CRY1: variants seen among roughly 807,000 people sequenced by gnomAD.
CRY1 encodes the protein cryptochrome circadian regulator 1, also known as cryptochrome-1.
Under a neutral mutation model 76.0 loss-of-function variants are expected in CRY1, and 45 were observed. That is an observed-to-expected ratio of 0.59 (90% confidence interval 0.47 to 0.76). CRY1 has a LOEUF of 0.76. Among genes scored for constraint, CRY1 ranks in the 30% least tolerant of loss-of-function variants. The probability of loss-of-function intolerance (pLI) is 0.00; values close to 1 mark genes in which losing one functional copy is unlikely to be tolerated. For synonymous variants in CRY1, 248 were observed against 244.0 expected (o/e 1.02, Z -0.15); for missense variants, 587 against 716.4 (o/e 0.82, Z 2.06).
Position 106,997,640 on chromosome 12 carries a change from G to T in CRY1, c.1340C>A (p.Pro447His), listed in dbSNP as rs1398828101. The T allele has an allele frequency of 6.2e-7, 1 of 1,613,986 alleles. No homozygotes were observed. Among genetic ancestry groups the T allele is most frequent in the South Asian group, 1.1e-5 (1 of 91,082 alleles). The part of the protein sequence containing the change: ...RGFPAKYIYD[P>H]WNAPEGIQKV... ...TTGGATACCTTCTGGTGCATTCCAGGGATCATAGATATATTTTGCAGGGAA... is the reference window on the plus strand; with the variant it reads ...TTGGATACCTTCTGGTGCATTCCAGTGATCATAGATATATTTTGCAGGGAA... The change falls in exon 9 of 13, where the codon CCC (proline) becomes CAC (histidine). Residue 447 changes from proline (P) to histidine (H), a missense_variant. Coordinates refer to ENST00000008527, the MANE Select transcript of CRY1 (RefSeq NM_004075.5).
At chr12:107,062,045 GAAAAAAAGAAAA>G (rs1953054807) in intron 1 of CRY1, among the ~76,000 whole-genome samples, 1 of 98,284 alleles carries the variant, frequency 1.0e-5, no homozygotes, top group African/African-American at 3.8e-5. Context: ...AAAAAAAAAA[GAAAAAAAGAAAA>G]AAAAAAAGAA....
intron 10 of CRY1, among the ~76,000 whole-genome samples, chr12:106,996,765 T>C (rs1952237408): frequency 6.6e-6 from 1 of 152,234 alleles, no homozygotes; most frequent in African/African-American, 2.4e-5. Context: ...TAACACATAC[T>C]GAGTTCCTGA....
chr12:107,017,615 C>T (rs766149335), intron 2 of CRY1, among the ~76,000 whole-genome samples: 3 of 152,132 alleles, frequency 2.0e-5, no homozygotes, highest in Non-Finnish European at 4.4e-5. Flanking sequence ...AAGGAGCATC[C>T]TAAGAGGGGA....
At chr12:106,995,905 G>A (rs949832996) in intron 10 of CRY1, among the ~76,000 whole-genome samples, 1 of 152,068 alleles carries the variant, frequency 6.6e-6, no homozygotes, top group Non-Finnish European at 1.5e-5. Flanking sequence ...GTGCAATGGC[G>A]CGATCTCAGC....
rs78616294 is a variant in CRY1 at position 107,007,830 on chromosome 12, C to T, written c.268-2582G>A. Among the ~76,000 whole-genome samples, 717 of 152,190 alleles carry T rather than the reference C, an allele frequency of 4.7e-3. 7 individuals are homozygous for T. The highest frequency in any genetic ancestry group is 0.016 in the African/African-American group (669 of 41,506). On this transcript the variant is annotated intron_variant, in intron 2 of 12. Transcript: ENST00000008527. ...CAGACGAGAGCCAATGTGCCTAGTG[C>T]AATTTAGCACTGTTTTTTGAAAAAC...
At chr12:107,071,890 A>G (rs914950038) in intron 1 of CRY1, among the ~76,000 whole-genome samples, 4 of 152,218 alleles carry the variant, frequency 2.6e-5, no homozygotes, top group African/African-American at 9.6e-5. Flanking sequence ...GACTGACAAG[A>G]AACCTAGAAT....
At chr12:107,048,725 A>G (rs1219179065) in intron 1 of CRY1, among the ~76,000 whole-genome samples, 1 of 152,230 alleles carries the variant, frequency 6.6e-6, no homozygotes, top group African/African-American at 2.4e-5. Flanking sequence ...TGACTTGTTA[A>G]CTTCAGCTAT....
At chr12:107,059,885 T>C (rs1953027819) in intron 1 of CRY1, among the ~76,000 whole-genome samples, 1 of 152,224 alleles carries the variant, frequency 6.6e-6, no homozygotes. Flanking sequence ...AAGCCTATTA[T>C]GTGATCTCAG....
chr12:107,006,638 C>T (rs1228049460), intron 2 of CRY1, among the ~76,000 whole-genome samples: 9 of 137,114 alleles, frequency 6.6e-5, no homozygotes, highest in East Asian at 4.5e-4. Context: ...TATTAGTAAT[C>T]TTTTTTTTTT....
intron 1 of CRY1, among the ~76,000 whole-genome samples, chr12:107,072,471 C>CA (rs1953201156): frequency 1.3e-5 from 2 of 152,172 alleles, no homozygotes; most frequent in Non-Finnish European, 2.9e-5. Flanking sequence ...TGACTCCTCT[C>CA]AAAAACCCCT....
intron 5 of CRY1, among the ~76,000 whole-genome samples, chr12:107,000,919 G>A (rs1014092753): frequency 1.3e-5 from 2 of 152,112 alleles, no homozygotes; most frequent in African/African-American, 4.8e-5. Context: ...CAAAGTGCTG[G>A]GATTACAGGC....
chr12:107,056,962 G>A (rs568318289), intron 1 of CRY1, among the ~76,000 whole-genome samples: 1 of 152,092 alleles, frequency 6.6e-6, no homozygotes, highest in Non-Finnish European at 1.5e-5. Context: ...AAAAGAGTTT[G>A]TCTCCAAAAG....
chr12:107,019,349 A>T (rs1000875592), intron 2 of CRY1, among the ~76,000 whole-genome samples: 1 of 152,200 alleles, frequency 6.6e-6, no homozygotes, highest in Non-Finnish European at 1.5e-5. Flanking sequence ...AGTTTTTATA[A>T]ATGGAATTTT....
chr12:107,074,656 C>A (rs1007169421), intron 1 of CRY1, among the ~76,000 whole-genome samples: 3 of 152,126 alleles, frequency 2.0e-5, no homozygotes, highest in African/African-American at 4.8e-5. Context: ...TTTGGTATTA[C>A]CATCACAGAA....
chr12:107,052,242 A>G (rs1952931771), intron 1 of CRY1, among the ~76,000 whole-genome samples: 1 of 152,168 alleles, frequency 6.6e-6, no homozygotes, highest in Non-Finnish European at 1.5e-5. Context: ...TACCATTAGC[A>G]GCCTTTTACT....
intron 2 of CRY1, among the ~76,000 whole-genome samples, chr12:107,021,719 C>T (rs1351093244): frequency 6.6e-6 from 1 of 151,732 alleles, no homozygotes; most frequent in Non-Finnish European, 1.5e-5. Context: ...TATACACACA[C>T]ACACACAAAA....
chr12:106,994,587 ATTC>A (rs1322732804), intron 10 of CRY1, among the ~76,000 whole-genome samples: 1 of 152,238 alleles, frequency 6.6e-6, no homozygotes, highest in African/African-American at 2.4e-5. Context: ...AGATTTATTA[ATTC>A]TTCTATTATA....
intron 1 of CRY1, among the ~76,000 whole-genome samples, chr12:107,046,486 G>C (rs1261743686): frequency 1.3e-5 from 2 of 151,934 alleles, no homozygotes; most frequent in Non-Finnish European, 2.9e-5. Flanking sequence ...AAGAAACAAA[G>C]AATACACAAA....
At chr12:107,041,991 CA>C (rs1009289904) in intron 1 of CRY1, among the ~76,000 whole-genome samples, 2 of 152,008 alleles carry the variant, frequency 1.3e-5, no homozygotes, top group Non-Finnish European at 2.9e-5. Context: ...GTGCTCAAGA[CA>C]AATAGGATTG....
Sources: gnomAD v4.1 joint callset for allele counts (sites outside exome capture counted in the v4.1 genomes callset) on GRCh38, gnomAD v4.1.1 for gene constraint, MANE v1.5 for transcripts, NCBI Gene and HGNC (gene_info 2026-07-23, HGNC 2026-07-21) for gene names.